ASMTL: variants seen among roughly 807,000 people sequenced by gnomAD.
ASMTL encodes the protein probable bifunctional dTTP/UTP pyrophosphatase/methyltransferase protein.
In ASMTL, 57 loss-of-function variants were observed where a neutral mutation model predicts 60.3. The observed-to-expected ratio is 0.95, with a 90% CI of 0.76 to 1.18. ASMTL has a LOEUF of 1.18. Among genes scored for constraint, ASMTL ranks in the 50% most tolerant of loss-of-function variants. ASMTL has a pLI of 0.00. For synonymous variants in ASMTL, 419 were observed against 373.0 expected, an observed-to-expected ratio of 1.12 and a Z score of -1.42; for missense variants, 981 against 852.6, an observed-to-expected ratio of 1.15 and a Z score of -1.88.
At chrX:1,422,477 C>A (rs1324587512) in intron 8 of ASMTL, among the ~76,000 whole-genome samples, 2 of 152,004 alleles carry the variant, frequency 1.3e-5, no homozygotes, top group East Asian at 3.9e-4. Context: ...GGTTCTGTTA[C>A]CCTGGAGAGC....
upstream of ASMTL, among the ~76,000 whole-genome samples, chrX:1,453,322 C>G (rs1415090690): frequency 6.6e-6 from 1 of 151,984 alleles, no homozygotes; most frequent in Non-Finnish European, 1.5e-5. Flanking sequence ...CCCCGTGAGG[C>G]CACGCCCAGG....
At chrX:1,432,513 A>T in intron 5 of ASMTL, 136 bp from the exon 6 acceptor site, 1 of 699,134 alleles carries the variant, frequency 1.4e-6, no homozygotes. Context: ...TCATGGGAGA[A>T]TAAGGTTCAT....
At chrX:1,434,727 G>A (rs1384514330) in intron 5 of ASMTL, among the ~76,000 whole-genome samples, 6 of 150,382 alleles carry the variant, frequency 4.0e-5, no homozygotes, top group South Asian at 2.1e-4. Flanking sequence ...CTTGGGAGGC[G>A]GAGGTTGCAG....
intron 12 of ASMTL, among the ~76,000 whole-genome samples, chrX:1,405,154 C>A (rs1337597259): frequency 2.5e-5 from 3 of 118,554 alleles, no homozygotes; most frequent in African/African-American, 9.5e-5. Flanking sequence ...TAGATGGGTG[C>A]ATGGATGAGA....
rs201174652 is a variant in ASMTL at position 1,432,289 on chromosome X, G to A, written c.489C>T (p.Tyr163=). 5.0e-6 allele frequency: 8 copies of A among 1,611,896 alleles called. No homozygotes were observed. The highest frequency in any genetic ancestry group is 3.3e-5 in the South Asian group (3 of 90,954). The change falls in exon 6 of 13, where the codon TAC becomes TAT. Residue 163 remains tyrosine, a synonymous_variant. Transcript: ENST00000381317. ...CTCACATGGGCTCCCCGCTGTGGAC[G>A]TATTCCCAGAGCAGCTCCTCGGACA... ...SELSEELLWE[Y]VHSGEPMDKA...
intron 4 of ASMTL, chrX:1,435,428 A>G (rs1470824793): frequency 4.9e-6 from 3 of 609,296 alleles, no homozygotes; most frequent in East Asian, 2.7e-5. Context: ...TGGGAAGGAC[A>G]GGACACTGCC....
chrX:1,440,779 T>C (rs1441030680), intron 2 of ASMTL, among the ~76,000 whole-genome samples: 1 of 152,132 alleles, frequency 6.6e-6, no homozygotes, highest in Non-Finnish European at 1.5e-5. Flanking sequence ...ACTAAAATAA[T>C]ATGTATTACA....
At chrX:1,416,094 GAC>G (rs771173789) in intron 11 of ASMTL, among the ~76,000 whole-genome samples, 278 of 147,936 alleles carry the variant, frequency 1.9e-3, no homozygotes, top group African/African-American at 5.4e-3. Flanking sequence ...CTCACGCACG[GAC>G]ACACAGTGAT....
At chrX:1,433,745 C>T (rs1366236425) in intron 5 of ASMTL, among the ~76,000 whole-genome samples, 3 of 151,838 alleles carry the variant, frequency 2.0e-5, no homozygotes, top group African/African-American at 7.2e-5. Context: ...GTGAACACAT[C>T]AGGGTGTTGG....
chrX:1,407,903 GAGAGAGAA>G (rs1232812208), intron 12 of ASMTL, among the ~76,000 whole-genome samples: 1 of 148,572 alleles, frequency 6.7e-6, no homozygotes, highest in Non-Finnish European at 1.5e-5. Flanking sequence ...AGAGGGAGAA[GAGAGAGAA>G]AGAGAGACAG....
rs752704253 is a variant in ASMTL at position 1,432,219 on chromosome X, G to T, written c.509+50C>A. 6 of 1,459,710 alleles carry T rather than the reference G, an allele frequency of 4.1e-6. No homozygotes were observed. The Admixed American group carries it at 7.3e-5, about 18-fold the overall frequency. 90.4% of individuals were successfully genotyped at this position (1,459,710 alleles called of 1,614,324 possible). On this transcript the variant is annotated intron_variant, in intron 6 of 12. Transcript: ENST00000381317. ...GTGGGACACCCCACGTGTGAGGGTG[G>T]CCAGGCTTCCACACGTGTCCCCCGT...
At chrX:1,442,589 G>A (rs770153080) in intron 1 of ASMTL, among the ~76,000 whole-genome samples, 1 of 152,196 alleles carries the variant, frequency 6.6e-6, no homozygotes, top group South Asian at 2.1e-4. Context: ...GGAAGAGATT[G>A]GCAAAGGAAG....
In ASMTL at chrX:1,414,048, T is replaced by C. The variant is rs186625530; in HGVS notation, c.1523-1194A>G. 2.9e-3 allele frequency: 447 copies of C among 151,562 alleles called. 1 individual carries two copies. Among genetic ancestry groups the C allele is most frequent in the Non-Finnish European group, 4.5e-3 (306 of 67,970 alleles). 9.4% of individuals were successfully genotyped at this position (151,562 alleles called of 1,614,324 possible). A position where few individuals can be genotyped will look rare whatever the true frequency, so the allele number is the denominator to read the frequency against. ...AATTAAGGATCTGGAGATGGGATCA[T>C]CCTGGAGTAGGGTGGGCCCTAAATG... is the stretch of plus-strand genomic sequence containing the variant. On this transcript the variant is annotated intron_variant, in intron 11 of 12. Coordinates refer to ENST00000381317, the MANE Select transcript of ASMTL (RefSeq NM_004192.4).
chrX:1,426,652 A>G (rs752245741), intron 7 of ASMTL, among the ~76,000 whole-genome samples: 1 of 152,288 alleles, frequency 6.6e-6, no homozygotes, highest in African/African-American at 2.4e-5. Flanking sequence ...CAGGAGTTCG[A>G]GACCATCCTG....
chrX:1,430,492 G>A (rs1160129288), intron 6 of ASMTL, among the ~76,000 whole-genome samples: 17 of 151,990 alleles, frequency 1.1e-4, no homozygotes, highest in South Asian at 8.3e-4. Context: ...AAAATCGGCC[G>A]CGTGTGTTGG....
At chrX:1,437,950 G>T (rs1305219374) in intron 3 of ASMTL, among the ~76,000 whole-genome samples, 1 of 150,786 alleles carries the variant, frequency 6.6e-6, no homozygotes, top group Non-Finnish European at 1.5e-5. Context: ...GATGCGGTTG[G>T]ACAGAATTAG....
At chrX:1,411,932 C>T (rs2090044007) in intron 12 of ASMTL, among the ~76,000 whole-genome samples, 1 of 150,944 alleles carries the variant, frequency 6.6e-6, no homozygotes, top group Non-Finnish European at 1.5e-5. Flanking sequence ...CTGCCTCAGC[C>T]TCCTGAGTAG....
In ASMTL at chrX:1,403,170, T is replaced by C; in HGVS notation, c.*99A>G. ...TTTGCTTTCTTTATTCAGTCACGAC[T>C]ACACGCTCCTATGTGACTGTCCTAT... On this transcript the variant is annotated 3_prime_UTR_variant, in exon 13 of 13. Transcript: ENST00000381317. The C allele has an allele frequency of 1.0e-6, 1 of 970,006 alleles. No individual in the cohort carries two copies. Among genetic ancestry groups the C allele is most frequent in the Non-Finnish European group, 1.6e-6 (1 of 615,308 alleles). The allele number at this position is 970,006 out of a possible 1,614,324, so 60.1% of individuals were successfully genotyped here.
At chrX:1,442,868 G>C (rs2091136971) in intron 1 of ASMTL, among the ~76,000 whole-genome samples, 1 of 152,174 alleles carries the variant, frequency 6.6e-6, no homozygotes, top group Non-Finnish European at 1.5e-5. Flanking sequence ...AGAGACCGTG[G>C]GGTCAGGAAT....
Sources: gnomAD v4.1 joint callset for allele counts (sites outside exome capture counted in the v4.1 genomes callset) on GRCh38, gnomAD v4.1.1 for gene constraint, MANE v1.5 for transcripts, NCBI Gene and HGNC (gene_info 2026-07-23, HGNC 2026-07-21) for gene names.